The following RP1 variants were observed in gnomAD, a reference collection of about 807,000 sequenced individuals.
RP1 encodes oxygen-regulated protein 1.
RP1 carries 16 observed loss-of-function variants against 14.8 expected under a neutral mutation model. The observed-to-expected ratio is 1.08, with a 90% CI of 0.73 to 1.65. The LOEUF is 1.65. Ranked by LOEUF, RP1 falls within the 40% of genes most tolerant of loss-of-function variation. The probability of loss-of-function intolerance (pLI) is 0.00; values close to 1 mark genes in which losing one functional copy is unlikely to be tolerated. For synonymous variants in RP1, 876 were observed against 883.6 expected (o/e 0.99, Z 0.15); for missense variants, 2,631 against 2,535.0 (o/e 1.04, Z -0.81).
intron 4 of RP1, chr8:54,649,262 T>A: frequency 1.2e-6 from 1 of 801,740 alleles, no homozygotes. Context: ...AGAAGATCAT[T>A]CAAAAATAAT....
intron 3 of RP1, among the ~76,000 whole-genome samples, chr8:54,646,691 C>T (rs527746827): frequency 1.4e-4 from 21 of 152,140 alleles, no homozygotes; most frequent in African/African-American, 2.4e-4. Flanking sequence ...CTATAGTAAA[C>T]GGACATCATA....
rs1186878623 is a variant in RP1 at position 54,756,554 on chromosome 8, T to C, written c.3093+784T>C. ...TCAGAATGAATAGGAAAGCCAGTTC[T>C]GCTTTGAGTGAGTCAAAAGCAAAAT... is the stretch of plus-strand genomic sequence containing the variant. On this transcript the variant is annotated intron_variant, in intron 21 of 22. Transcript: ENST00000636932. 7.9e-4 allele frequency among the ~76,000 whole-genome samples: 120 copies of C among 152,220 alleles called. 1 individual carries two copies. Among genetic ancestry groups the C allele is most frequent in the Non-Finnish European group, 1.2e-4 (8 of 68,034 alleles).
intron 6 of RP1, among the ~76,000 whole-genome samples, chr8:54,661,068 CT>C (rs1305572871): frequency 1.3e-5 from 2 of 150,874 alleles, no homozygotes; most frequent in Non-Finnish European, 3.0e-5. Flanking sequence ...AATCCCAGCA[CT>C]TTGGGAGGCT....
intron 26 of RP1, among the ~76,000 whole-genome samples, chr8:54,853,599 G>A (rs781185293): frequency 6.6e-6 from 1 of 152,078 alleles, no homozygotes; most frequent in Admixed American, 6.6e-5. Context: ...GCACTGAGGT[G>A]GCTAAGGCAA....
chr8:54,825,898 T>C (rs1301000828), intron 24 of RP1, among the ~76,000 whole-genome samples: 1 of 133,988 alleles, frequency 7.5e-6, no homozygotes, highest in African/African-American at 2.8e-5. Context: ...GGCAAGACCC[T>C]GTCTCCACAA....
At chr8:54,688,609 G>A (rs1294659900) in intron 12 of RP1, among the ~76,000 whole-genome samples, 2 of 152,198 alleles carry the variant, frequency 1.3e-5, no homozygotes, top group East Asian at 3.9e-4. Flanking sequence ...GTTTGTCAAA[G>A]ATCAGATGGT....
rs143002680 is a variant in RP1, at chr8:54,688,911, C to T, written c.1717+8978C>T. Among the ~76,000 whole-genome samples the T allele has an allele frequency of 8.6e-3, 1,312 of 152,228 alleles. 20 individuals are homozygous for T. The highest frequency in any genetic ancestry group is 0.029 in the African/African-American group (1,211 of 41,542). ...TACAAATTACCTTGGGCAGTATGGC[C>T]ATTTTCACGATATTGATTCTTCCTA... On this transcript the variant is annotated intron_variant, in intron 12 of 22. Coordinates refer to the RP1 transcript ENST00000636932.
At chr8:54,767,546 G>A (rs1168105637) in intron 22 of RP1, among the ~76,000 whole-genome samples, 1 of 152,078 alleles carries the variant, frequency 6.6e-6, no homozygotes, top group African/African-American at 2.4e-5. Flanking sequence ...TTTTAGTAGA[G>A]ATGGGGTTTC....
intron 1 of RP1, among the ~76,000 whole-genome samples, chr8:54,585,137 A>G (rs1585527811): frequency 6.6e-6 from 1 of 152,048 alleles, no homozygotes; most frequent in South Asian, 2.1e-4. Flanking sequence ...AGTGGTTGGT[A>G]CCGGTTGTTT....
chr8:54,740,572 A>G (rs1048022765), intron 19 of RP1, among the ~76,000 whole-genome samples: 5 of 151,930 alleles, frequency 3.3e-5, no homozygotes, highest in Admixed American at 1.3e-4. Context: ...AAATACAAGA[A>G]TTAGCTGGGC....
chr8:54,774,925 G>A (rs1003433589), downstream of RP1, among the ~76,000 whole-genome samples: 5 of 152,170 alleles, frequency 3.3e-5, no homozygotes, highest in African/African-American at 1.2e-4. Flanking sequence ...TTAATCTGAA[G>A]CAAGTTTTCT....
At chr8:54,752,872 C>T (rs1001100747) in intron 19 of RP1, among the ~76,000 whole-genome samples, 1 of 152,112 alleles carries the variant, frequency 6.6e-6, no homozygotes, top group African/African-American at 2.4e-5. Flanking sequence ...ATGATATAAT[C>T]CAAAGAGAAC....
intron 24 of RP1, among the ~76,000 whole-genome samples, chr8:54,834,482 A>G (rs983777425): frequency 1.3e-5 from 2 of 152,062 alleles, no homozygotes; most frequent in Non-Finnish European, 2.9e-5. Flanking sequence ...GTTTAGTTTC[A>G]GAAGGAAACC....
At chr8:54,797,032 T>G (rs964560370) in intron 24 of RP1, among the ~76,000 whole-genome samples, 2 of 152,070 alleles carry the variant, frequency 1.3e-5, no homozygotes, top group Non-Finnish European at 2.9e-5. Flanking sequence ...ATTACGTTTG[T>G]GAGAGGGAAG....
chr8:54,766,325 TATC>T (rs1809135471), intron 22 of RP1, among the ~76,000 whole-genome samples: 1 of 152,174 alleles, frequency 6.6e-6, no homozygotes, highest in Non-Finnish European at 1.5e-5. Flanking sequence ...TAATAAAAAT[TATC>T]ATGAGGCAGT....
chr8:54,744,558 TAG>T (rs1210791797), intron 19 of RP1, among the ~76,000 whole-genome samples: 3 of 152,236 alleles, frequency 2.0e-5, no homozygotes, highest in East Asian at 3.8e-4. Context: ...CTTGTTTAGG[TAG>T]AGTCACTTGA....
At chr8:54,664,723 G>T (rs543793473) in intron 7 of RP1, among the ~76,000 whole-genome samples, 4 of 152,110 alleles carry the variant, frequency 2.6e-5, no homozygotes, top group Non-Finnish European at 5.9e-5. Context: ...GCCCATTTTA[G>T]GGTTGGGTTA....
intron 24 of RP1, among the ~76,000 whole-genome samples, chr8:54,800,042 T>C (rs1164164983): frequency 1.4e-5 from 2 of 139,418 alleles, no homozygotes; most frequent in Non-Finnish European, 3.3e-5. Context: ...GAAATACATT[T>C]CCTCAGTTTC....
At chr8:54,796,601 G>A (rs866215702) in intron 24 of RP1, among the ~76,000 whole-genome samples, 1 of 152,126 alleles carries the variant, frequency 6.6e-6, no homozygotes, top group Non-Finnish European at 1.5e-5. Flanking sequence ...TAGTGACAGA[G>A]GCAGAGATTA....
Sources: allele counts gnomAD v4.1 joint callset (sites outside exome capture counted in the v4.1 genomes callset), GRCh38; gene constraint gnomAD v4.1.1; transcripts MANE v1.5; gene names NCBI Gene and HGNC (gene_info 2026-07-23, HGNC 2026-07-21).